The following ZC3H12B variants were observed in gnomAD, a reference collection of about 807,000 sequenced individuals.
ZC3H12B encodes probable ribonuclease ZC3H12B.
ZC3H12B carries 7 observed loss-of-function variants against 43.9 expected under a neutral mutation model. The ratio of observed to expected loss-of-function variants is 0.16; its 90% CI spans 0.09 to 0.30. The LOEUF is 0.30. ZC3H12B is among the 10% of genes least tolerant of loss of function. ZC3H12B has a pLI of 1.00. For synonymous variants in ZC3H12B, 222 were observed against 241.7 expected (o/e 0.92, Z 0.76); for missense variants, 475 against 670.2 (o/e 0.71, Z 3.22).
chrX:65,418,341 C>A (rs1313225200), intron 3 of ZC3H12B, among the ~76,000 whole-genome samples: 2 of 111,579 alleles, frequency 1.8e-5, no homozygotes, highest in Non-Finnish European at 3.8e-5. Flanking sequence ...AGTTAGACAT[C>A]CTGTAATGGA....
the ZC3H12B span, among the ~76,000 whole-genome samples, chrX:65,351,994 T>G: frequency 4.5e-5 from 5 of 112,316 alleles, 1 homozygote; most frequent in Admixed American, 9.4e-5. Flanking sequence ...TATAAATTAT[T>G]CTACTATAAA....
chrX:65,088,880 T>C, the ZC3H12B span, among the ~76,000 whole-genome samples: 1 of 111,834 alleles, frequency 8.9e-6, no homozygotes, highest in South Asian at 3.7e-4. Flanking sequence ...TATGTGATTC[T>C]GAGCAAGTTA....
At chrX:65,297,585 C>T in the ZC3H12B span, among the ~76,000 whole-genome samples, 3 of 110,953 alleles carry the variant, frequency 2.7e-5, no homozygotes, top group African/African-American at 9.8e-5. Flanking sequence ...AAGCAATCTA[C>T]AAACTTAATG....
At chrX:65,204,217 T>C in the ZC3H12B span, among the ~76,000 whole-genome samples, 1 of 112,193 alleles carries the variant, frequency 8.9e-6, no homozygotes, top group Non-Finnish European at 1.9e-5. Flanking sequence ...CATCTGATTT[T>C]TGGTTCTCAT....
At chrX:65,046,753 T>C in the ZC3H12B span, among the ~76,000 whole-genome samples, 1 of 111,880 alleles carries the variant, frequency 8.9e-6, no homozygotes, top group East Asian at 2.8e-4. Flanking sequence ...ATATGCCTTC[T>C]TCACTAAGCA....
chrX:65,360,476 G>C, the ZC3H12B span, among the ~76,000 whole-genome samples: 1 of 111,897 alleles, frequency 8.9e-6, no homozygotes, highest in Non-Finnish European at 1.9e-5. Flanking sequence ...GCTATTGGGG[G>C]AATGCAAATT....
chrX:65,172,108 G>A, the ZC3H12B span, among the ~76,000 whole-genome samples: 2 of 112,441 alleles, frequency 1.8e-5, no homozygotes, highest in African/African-American at 6.5e-5. Context: ...CTGTGTCACT[G>A]ACACTGGGAG....
the ZC3H12B span, among the ~76,000 whole-genome samples, chrX:65,159,359 A>T: frequency 6.3e-5 from 7 of 111,793 alleles, no homozygotes; most frequent in African/African-American, 2.3e-4. Flanking sequence ...TACCTTGGGC[A>T]GTATGGCCGT....
chrX:65,064,779 G>A, the ZC3H12B span, among the ~76,000 whole-genome samples: 63 of 111,731 alleles, frequency 5.6e-4, no homozygotes, highest in African/African-American at 1.9e-3. Flanking sequence ...GGGAGTCTAA[G>A]TCTCTTTTTC....
intron 3 of ZC3H12B, among the ~76,000 whole-genome samples, chrX:65,474,695 C>T: frequency 9.0e-6 from 1 of 111,318 alleles, no homozygotes; most frequent in Non-Finnish European, 1.9e-5. Context: ...ACTGCAGCCA[C>T]TGCTTCCTGG....
chrX:65,188,016 G>A, the ZC3H12B span, among the ~76,000 whole-genome samples: 2 of 110,873 alleles, frequency 1.8e-5, no homozygotes, highest in East Asian at 2.8e-4. Flanking sequence ...GAGTTCAATT[G>A]TTTTAATTTT....
chrX:65,170,756 C>G, the ZC3H12B span, among the ~76,000 whole-genome samples: 1 of 111,347 alleles, frequency 9.0e-6, no homozygotes, highest in Non-Finnish European at 1.9e-5. Flanking sequence ...TTTCTCTAAA[C>G]TTCTCTTCTC....
chrX:65,371,695 T>C (rs1050700248), intron 2 of ZC3H12B, among the ~76,000 whole-genome samples: 1 of 112,241 alleles, frequency 8.9e-6, no homozygotes, highest in East Asian at 2.8e-4. Context: ...CTAGACATTA[T>C]GAAAGATTAA....
the ZC3H12B span, among the ~76,000 whole-genome samples, chrX:65,291,902 G>A: frequency 8.9e-6 from 1 of 111,825 alleles, no homozygotes; most frequent in African/African-American, 3.2e-5. Flanking sequence ...AGATTTTACA[G>A]TAAGGGAAAT....
chrX:65,048,323 A>G, the ZC3H12B span, among the ~76,000 whole-genome samples: 48 of 111,524 alleles, frequency 4.3e-4, no homozygotes, highest in Non-Finnish European at 1.7e-4. Context: ...ATTGATGGAC[A>G]TTTAGGTTGT....
At chrX:65,134,727 G>A in the ZC3H12B span, among the ~76,000 whole-genome samples, 8 of 111,464 alleles carry the variant, frequency 7.2e-5, no homozygotes, top group African/African-American at 2.0e-4. Context: ...ACGTGCGTCC[G>A]TGTGAAGAGA....
the ZC3H12B span, among the ~76,000 whole-genome samples, chrX:65,283,714 C>T: frequency 1.9e-4 from 21 of 111,197 alleles, no homozygotes; most frequent in South Asian, 5.7e-3. Flanking sequence ...ACACAGAAGC[C>T]GCTAAAGAAA....
chrX:65,217,074 T>C, the ZC3H12B span, among the ~76,000 whole-genome samples: 3 of 111,036 alleles, frequency 2.7e-5, no homozygotes, highest in Non-Finnish European at 5.7e-5. Context: ...TTATTGCTTC[T>C]CCCCCAACTC....
the ZC3H12B span, among the ~76,000 whole-genome samples, chrX:65,048,289 C>T: frequency 9.0e-6 from 1 of 111,083 alleles, no homozygotes; most frequent in Non-Finnish European, 1.9e-5. Context: ...GCACATATGC[C>T]ACATTTTCTG....
Sources: allele counts gnomAD v4.1 joint callset (sites outside exome capture counted in the v4.1 genomes callset), GRCh38; gene constraint gnomAD v4.1.1; transcripts MANE v1.5; gene names NCBI Gene and HGNC (gene_info 2026-07-23, HGNC 2026-07-21).